The following PTPRD variants were observed in gnomAD, a reference collection of about 807,000 sequenced individuals.
PTPRD encodes receptor-type tyrosine-protein phosphatase delta.
Under a neutral mutation model 214.5 loss-of-function variants are expected in PTPRD, and 34 were observed. The observed-to-expected ratio is 0.16, with a 90% CI of 0.12 to 0.21. PTPRD has a LOEUF of 0.21. Ranked by LOEUF, PTPRD falls within the 10% of genes least tolerant of loss-of-function variation. The pLI, the probability that PTPRD is intolerant of heterozygous loss-of-function variation, is 1.00. For synonymous variants in PTPRD, 1,128 were observed against 845.7 expected, an observed-to-expected ratio of 1.33 and a Z score of -5.79; for missense variants, 2,545 against 2,398.7, an observed-to-expected ratio of 1.06 and a Z score of -1.27.
At chr9:9,899,427 A>G (rs543163241) in intron 5 of PTPRD, among the ~76,000 whole-genome samples, 1 of 152,270 alleles carries the variant, frequency 6.6e-6, no homozygotes, top group African/African-American at 2.4e-5. Context: ...GAAGACATAC[A>G]AATGGCTAAG....
intron 10 of PTPRD, among the ~76,000 whole-genome samples, chr9:9,019,650 G>A (rs1171638152): frequency 6.6e-6 from 1 of 152,168 alleles, no homozygotes; most frequent in Admixed American, 6.6e-5. Flanking sequence ...AGGTTGCGGT[G>A]AGCCAAGGCT....
chr9:10,459,520 G>C (rs2098942997), intron 2 of PTPRD, among the ~76,000 whole-genome samples: 1 of 152,152 alleles, frequency 6.6e-6, no homozygotes, highest in Admixed American at 6.5e-5. Context: ...CCCACCAACA[G>C]TGTAAAAGCA....
At chr9:9,197,239 C>T (rs2099939112) in intron 9 of PTPRD, among the ~76,000 whole-genome samples, 1 of 152,050 alleles carries the variant, frequency 6.6e-6, no homozygotes, top group South Asian at 2.1e-4. Context: ...CACACAAGCC[C>T]AAATCCTATA....
intron 8 of PTPRD, among the ~76,000 whole-genome samples, chr9:9,409,379 C>A (rs1247616034): frequency 1.3e-5 from 2 of 151,906 alleles, no homozygotes; most frequent in African/African-American, 4.8e-5. Flanking sequence ...TTCTCCAAAT[C>A]TGGAACTGTT....
chr9:9,097,294 G>C (rs546469531), intron 10 of PTPRD, among the ~76,000 whole-genome samples: 2 of 152,090 alleles, frequency 1.3e-5, no homozygotes, highest in Non-Finnish European at 2.9e-5. Context: ...GATTCTGGTT[G>C]GGGCCTAAAG....
intron 9 of PTPRD, among the ~76,000 whole-genome samples, chr9:9,240,869 G>C (rs956134689): frequency 6.6e-6 from 1 of 151,994 alleles, no homozygotes; most frequent in Non-Finnish European, 1.5e-5. Context: ...TTAAGTTTTT[G>C]ACATCCAAAT....
intron 14 of PTPRD, among the ~76,000 whole-genome samples, chr9:8,588,441 T>C (rs1357307417): frequency 1.3e-5 from 2 of 152,186 alleles, no homozygotes; most frequent in Non-Finnish European, 2.9e-5. Context: ...CTATGAAATA[T>C]AAAAGACACA....
chr9:9,601,358 A>C (rs569621180), intron 7 of PTPRD, among the ~76,000 whole-genome samples: 1 of 152,188 alleles, frequency 6.6e-6, no homozygotes, highest in East Asian at 1.9e-4. Flanking sequence ...AGTGACCTTC[A>C]CATCTGTACT....
intron 3 of PTPRD, among the ~76,000 whole-genome samples, chr9:10,059,524 G>C (rs1589958357): frequency 6.6e-6 from 1 of 152,078 alleles, no homozygotes; most frequent in African/African-American, 2.4e-5. Context: ...TATATTAAAG[G>C]CTCAAGAGAA....
At chr9:10,009,812 C>T (rs13290414) in intron 4 of PTPRD, among the ~76,000 whole-genome samples, 21,674 of 151,846 alleles carry the variant, frequency 0.14, 1,809 homozygotes, top group African/African-American at 0.21. Context: ...GCCTGTAAAG[C>T]TCTCGTGTAA....
chr9:8,648,688 T>C (rs199576146), intron 12 of PTPRD, among the ~76,000 whole-genome samples: 11 of 152,342 alleles, frequency 7.2e-5, no homozygotes, highest in African/African-American at 2.6e-4. Flanking sequence ...ATGCATTACA[T>C]ACAATCTCCC....
intron 5 of PTPRD, among the ~76,000 whole-genome samples, chr9:9,888,805 G>A (rs748159539): frequency 6.6e-6 from 1 of 152,094 alleles, no homozygotes; most frequent in African/African-American, 2.4e-5. Flanking sequence ...GACTAAGACA[G>A]ATAGGGAAGA....
intron 5 of PTPRD, among the ~76,000 whole-genome samples, chr9:9,884,132 C>T (rs1270209506): frequency 6.6e-6 from 1 of 152,090 alleles, no homozygotes; most frequent in Non-Finnish European, 1.5e-5. Context: ...GTGTTCCAAA[C>T]TATGTAGCAG....
chr9:9,914,461 C>A (rs1002043343), intron 5 of PTPRD, among the ~76,000 whole-genome samples: 1 of 152,200 alleles, frequency 6.6e-6, no homozygotes, highest in African/African-American at 2.4e-5. Context: ...AGAAATAACC[C>A]TGTGCCTGCA....
At chr9:9,469,771 G>A (rs1312293496) in intron 8 of PTPRD, among the ~76,000 whole-genome samples, 1 of 152,018 alleles carries the variant, frequency 6.6e-6, no homozygotes, top group Non-Finnish European at 1.5e-5. Flanking sequence ...GGAAGTGTCT[G>A]TTCTTATTAT....
At chr9:8,391,518 A>G (rs559714720) in intron 36 of PTPRD, among the ~76,000 whole-genome samples, 13 of 152,298 alleles carry the variant, frequency 8.5e-5, no homozygotes, top group African/African-American at 3.1e-4. Context: ...TCAGGTTACA[A>G]ACACTGGGAC....
At chr9:10,061,190 T>C (rs1567413131) in intron 3 of PTPRD, among the ~76,000 whole-genome samples, 1 of 151,826 alleles carries the variant, frequency 6.6e-6, no homozygotes, top group African/African-American at 2.4e-5. Flanking sequence ...TACCCTCCTA[T>C]GTAACAATGA....
At chr9:9,476,575 G>C (rs963232461) in intron 8 of PTPRD, among the ~76,000 whole-genome samples, 2 of 151,970 alleles carry the variant, frequency 1.3e-5, no homozygotes, top group Non-Finnish European at 2.9e-5. Context: ...CTTTATGTTT[G>C]GTTCCTTCAC....
intron 4 of PTPRD, among the ~76,000 whole-genome samples, chr9:9,977,292 AG>A (rs1390456258): frequency 6.6e-6 from 1 of 152,202 alleles, no homozygotes; most frequent in Non-Finnish European, 1.5e-5. Flanking sequence ...CTTAATAAAA[AG>A]AGAAAGTAAA....
Sources: gnomAD v4.1 joint callset for allele counts (sites outside exome capture counted in the v4.1 genomes callset) on GRCh38, gnomAD v4.1.1 for gene constraint, MANE v1.5 for transcripts, NCBI Gene and HGNC (gene_info 2026-07-23, HGNC 2026-07-21) for gene names.